RBFOX1: variants seen among roughly 807,000 people sequenced by gnomAD.
RBFOX1 encodes the protein RNA binding protein fox-1 homolog 1.
Under a neutral mutation model 57.7 loss-of-function variants are expected in RBFOX1, and 8 were observed. The observed-to-expected ratio is 0.14, with a 90% CI of 0.08 to 0.25. RBFOX1 has a LOEUF of 0.25. Among genes scored for constraint, RBFOX1 ranks in the 10% least tolerant of loss-of-function variants. The pLI is 1.00. For synonymous variants in RBFOX1, 326 were observed against 222.4 expected, an observed-to-expected ratio of 1.47 and a Z score of -4.15; for missense variants, 611 against 548.5, an observed-to-expected ratio of 1.11 and a Z score of -1.14.
In RBFOX1 at chr16:5,886,983, G is replaced by A. The variant is rs544701033; in HGVS notation, c.351+19648G>A. 5.9e-5 allele frequency among the ~76,000 whole-genome samples: 9 copies of A among 152,256 alleles called. No individual in the cohort carries two copies. The South Asian group carries it at 1.9e-3, about 32-fold the overall frequency. On this transcript the variant is annotated intron_variant, in intron 4 of 19. Coordinates refer to the RBFOX1 transcript ENST00000641259. ...AGCCTCAGCACTATTGACATTCTGG[G>A]CCAGCCAATTGTTGTGGGGAGCTGT... is the stretch of plus-strand genomic sequence containing the variant.
chr16:6,651,718 A>G (rs2098597705), intron 2 of RBFOX1, among the ~76,000 whole-genome samples: 1 of 152,174 alleles, frequency 6.6e-6, no homozygotes, highest in Non-Finnish European at 1.5e-5. Context: ...ATACGCACAA[A>G]AGACTTGAAA....
rs2089145962 is a variant in RBFOX1 at position 7,557,790 on chromosome 16, G to A, written c.271-21987G>A. ...ATGCTTAACAACTAGCTTGGTGGGGGAAGGAGCGGGAGAGGGCTCCAGAGA... is the reference window on the plus strand; with the variant it reads ...ATGCTTAACAACTAGCTTGGTGGGGAAAGGAGCGGGAGAGGGCTCCAGAGA... On this transcript the variant is annotated intron_variant, in intron 5 of 15. Transcript: ENST00000550418. Among the ~76,000 whole-genome samples, 3 of 152,184 alleles carry A rather than the reference G, an allele frequency of 2.0e-5. No individual in the cohort carries two copies. In the South Asian group the frequency reaches 6.2e-4, roughly 32 times the overall value.
At chr16:7,654,628 T>C (rs1347409611) in intron 12 of RBFOX1, among the ~76,000 whole-genome samples, 1 of 150,660 alleles carries the variant, frequency 6.6e-6, no homozygotes, top group Non-Finnish European at 1.5e-5. Context: ...ATGGTGTGAA[T>C]GCTCAGTAAA....
chr16:7,440,119 C>G (rs1229174712), intron 4 of RBFOX1, among the ~76,000 whole-genome samples: 1 of 151,926 alleles, frequency 6.6e-6, no homozygotes, highest in Non-Finnish European at 1.5e-5. Flanking sequence ...TGGTCTCGAA[C>G]TCCTGGGCTC....
At chr16:6,022,882 G>A (rs1221840510) in intron 1 of RBFOX1, among the ~76,000 whole-genome samples, 1 of 152,174 alleles carries the variant, frequency 6.6e-6, no homozygotes, top group Non-Finnish European at 1.5e-5. Flanking sequence ...AACATGGGCT[G>A]TACCCTGTGA....
chr16:5,640,383 T>C (rs977634258), intron 3 of RBFOX1, among the ~76,000 whole-genome samples: 2 of 152,068 alleles, frequency 1.3e-5, no homozygotes, highest in African/African-American at 4.8e-5. Flanking sequence ...ACATCATGCA[T>C]GCATGCATGC....
chr16:6,132,073 G>T (rs990145766), intron 1 of RBFOX1, among the ~76,000 whole-genome samples: 5 of 152,168 alleles, frequency 3.3e-5, no homozygotes, highest in African/African-American at 1.2e-4. Context: ...ACACGCTTTA[G>T]TTCACAAAGG....
At chr16:5,243,152 AC>A (rs750293568) in intron 1 of RBFOX1, among the ~76,000 whole-genome samples, 89 of 152,212 alleles carry the variant, frequency 5.8e-4, no homozygotes, top group Non-Finnish European at 1.1e-3. Context: ...GGTGTGTCTG[AC>A]CCACAGCTGT....
chr16:5,264,139 T>C (rs188602019), intron 1 of RBFOX1, among the ~76,000 whole-genome samples: 1 of 151,768 alleles, frequency 6.6e-6, no homozygotes, highest in African/African-American at 2.4e-5. Context: ...AAGAGAAGTT[T>C]AGAGGGATGA....
intron 2 of RBFOX1, among the ~76,000 whole-genome samples, chr16:5,508,184 C>T (rs934987189): frequency 6.6e-6 from 1 of 152,228 alleles, no homozygotes; most frequent in Non-Finnish European, 1.5e-5. Context: ...GGTTTAGCTG[C>T]ATCATCTGCT....
chr16:6,481,839 C>G (rs1284587622), intron 2 of RBFOX1, among the ~76,000 whole-genome samples: 1 of 151,960 alleles, frequency 6.6e-6, no homozygotes, highest in Non-Finnish European at 1.5e-5. Context: ...AGAGAGAACA[C>G]AAATAGAATT....
chr16:7,136,394 T>A, intron 4 of RBFOX1, among the ~76,000 whole-genome samples: 1 of 150,244 alleles, frequency 6.7e-6, no homozygotes. Context: ...AACATCTCTA[T>A]CATCTTGGGA....
intron 1 of RBFOX1, among the ~76,000 whole-genome samples, chr16:5,340,504 A>T (rs999101108): frequency 1.3e-5 from 2 of 152,228 alleles, no homozygotes; most frequent in African/African-American, 4.8e-5. Flanking sequence ...GGCATGTGTC[A>T]TTCCTGAAGT....
chr16:5,516,098 A>G (rs1487705152), intron 2 of RBFOX1, among the ~76,000 whole-genome samples: 1 of 152,188 alleles, frequency 6.6e-6, no homozygotes, highest in Non-Finnish European at 1.5e-5. Context: ...ATGGTCAGCA[A>G]AGAGCATTGA....
At chr16:5,483,096 A>G (rs1320234441) in intron 2 of RBFOX1, among the ~76,000 whole-genome samples, 1 of 152,158 alleles carries the variant, frequency 6.6e-6, no homozygotes, top group Non-Finnish European at 1.5e-5. Context: ...AGCCCTGAGT[A>G]GGGGAGTCCT....
intron 3 of RBFOX1, among the ~76,000 whole-genome samples, chr16:6,998,532 T>G (rs1306453033): frequency 6.6e-6 from 1 of 152,160 alleles, no homozygotes; most frequent in African/African-American, 2.4e-5. Context: ...AGAGACAAAG[T>G]TCTAAATGAG....
intron 3 of RBFOX1, among the ~76,000 whole-genome samples, chr16:6,709,011 T>A (rs1177189893): frequency 1.3e-5 from 2 of 152,096 alleles, no homozygotes; most frequent in Non-Finnish European, 2.9e-5. Context: ...ATTCCCTGAC[T>A]GTGCCTCTTT....
chr16:5,267,303 TTTTC>T lies in RBFOX1; in HGVS notation c.219+27202_219+27205del, dbSNP rs1211107990. Among the ~76,000 whole-genome samples, 306 of 73,274 alleles carry T rather than the reference TTTTC, an allele frequency of 4.2e-3. 1 individual carries two copies. The highest frequency in any genetic ancestry group is 9.3e-3 in the Admixed American group (85 of 9,092). 48.1% of individuals were successfully genotyped at this position (73,274 alleles called of 152,430 possible). On this transcript the variant is annotated intron_variant, in intron 1 of 2. Transcript: ENST00000585867. ...ACAAGGCCCACACATAAGGGTTTTT[TTTTC>T]TTTTTCTTTTGAGACAGTCTTGCTT...
intron 3 of RBFOX1, among the ~76,000 whole-genome samples, chr16:6,934,589 T>G (rs2077065616): frequency 6.6e-6 from 1 of 152,226 alleles, no homozygotes; most frequent in South Asian, 2.1e-4. Context: ...TCATGTCATT[T>G]GCAGCAGCAC....
Sources: gnomAD v4.1 joint callset for allele counts (sites outside exome capture counted in the v4.1 genomes callset) on GRCh38, gnomAD v4.1.1 for gene constraint, MANE v1.5 for transcripts, NCBI Gene and HGNC (gene_info 2026-07-23, HGNC 2026-07-21) for gene names.